The following CCDC180 variants were observed in gnomAD, a reference collection of about 807,000 sequenced individuals.
CCDC180 encodes the protein coiled-coil domain containing 180, also known as coiled-coil domain-containing protein 180.
CCDC180 carries 154 observed loss-of-function variants against 209.2 expected under a neutral mutation model. The observed-to-expected ratio is 0.74, with a 90% CI of 0.65 to 0.84. The LOEUF is 0.84. Ranked by LOEUF, CCDC180 falls within the 40% of genes least tolerant of loss-of-function variation. CCDC180 has a pLI of 0.00. For missense variants in CCDC180, 1,874 were observed against 1,997.3 expected, an observed-to-expected ratio of 0.94 and a Z score of 1.18; for synonymous variants, 778 against 749.1, an observed-to-expected ratio of 1.04 and a Z score of -0.63.
chr9:97,313,242 A>G lies in CCDC180; in HGVS notation c.356A>G (p.Glu119Gly), dbSNP rs1421445203. ...CTCTGTTGTTGCTCCGCAGTTCCTG[A>G]GAAGATAAGCACCAGCACCTTTCAA... is the stretch of plus-strand genomic sequence containing the variant. ...VRGLMDTIVP[E>G]KISTSTFQRQ... is the part of the protein sequence containing the mutation. The change falls in exon 5 of 37, where the codon GAG becomes GGG. Residue 119 changes from glutamate (E) to glycine (G), a missense_variant. By Grantham distance (98) the Glu-to-Gly change is moderately conservative. Coordinates refer to ENST00000529487, the MANE Select transcript of CCDC180 (RefSeq NM_020893.6). 2 of 1,609,056 alleles carry G rather than the reference A, an allele frequency of 1.2e-6. No individual in the cohort carries two copies. Among genetic ancestry groups the G allele is most frequent in the Admixed American group, 3.3e-5 (2 of 59,870 alleles).
chr9:97,319,115 G>C (rs1833274323), intron 10 of CCDC180, among the ~76,000 whole-genome samples: 1 of 152,150 alleles, frequency 6.6e-6, no homozygotes, highest in African/African-American at 2.4e-5. Context: ...GGGCCAGAGA[G>C]CTGGGAGTTG....
At chr9:97,333,503 G>GTTTTTGTTTT (rs1564157871) in intron 18 of CCDC180, among the ~76,000 whole-genome samples, 2 of 72,848 alleles carry the variant, frequency 2.7e-5, no homozygotes, top group African/African-American at 6.9e-5. Context: ...CTGGGTTTGG[G>GTTTTTGTTTT]TTTTTTTTTT....
chr9:97,319,123 T>A (rs1833274503), intron 10 of CCDC180, among the ~76,000 whole-genome samples: 1 of 151,888 alleles, frequency 6.6e-6, no homozygotes, highest in African/African-American at 2.4e-5. Context: ...GAGCTGGGAG[T>A]TGGCCTGCTT....
At chr9:97,324,083 A>G (rs1344275778) in intron 13 of CCDC180, 180 bp downstream of exon 13, 2 of 642,738 alleles carry the variant, frequency 3.1e-6, no homozygotes, top group African/African-American at 3.7e-5. Flanking sequence ...CACTCACCGG[A>G]CTCCTCCCAG....
In CCDC180 at chr9:97,369,092, A is replaced by G. The variant is rs184069625; in HGVS notation, c.4190-830A>G. 2.0e-3 allele frequency among the ~76,000 whole-genome samples: 304 copies of G among 152,384 alleles called. 1 individual carries two copies. Among genetic ancestry groups the G allele is most frequent in the Non-Finnish European group, 2.0e-3 (135 of 68,042 alleles). ...AATTAAGAGTTGAAATTTTAAAACT[A>G]TGCATGACTTTACTACCAGGTTACA... On this transcript the variant is annotated intron_variant, in intron 31 of 36. Coordinates refer to ENST00000529487, the MANE Select transcript of CCDC180 (RefSeq NM_020893.6).
chr9:97,326,418 A>G, intron 14 of CCDC180, 136 bp from the exon 15 acceptor site: 2 of 663,376 alleles, frequency 3.0e-6, no homozygotes, highest in South Asian at 1.8e-5. Context: ...TGGGTACCCC[A>G]TTTGTAGAAA....
At chr9:97,309,687 A>G in intron 3 of CCDC180, 83 bp downstream of exon 3, 2 of 1,145,128 alleles carry the variant, frequency 1.7e-6, no homozygotes, top group Admixed American at 3.2e-5. Context: ...GCACAAGATG[A>G]GTAGCCTGTA....
At position 97,366,451 on chromosome 9, in the gene CCDC180, C is replaced by T. The variant is rs939677744; in HGVS notation, c.4048-108C>T. On this transcript the variant is annotated intron_variant, in intron 30 of 36. Coordinates refer to ENST00000529487, the MANE Select transcript of CCDC180 (RefSeq NM_020893.6). This position sits in a 1 kb window ranked among gnomAD's most constrained non-coding sequence, Gnocchi z 4.3. Reference sequence around the variant, plus strand: ...CGTGTCACTTCCACAGGGGATGCCACGAGCAAAGGCTAGGGAGTGTGGAGG... The same window carrying T: ...CGTGTCACTTCCACAGGGGATGCCATGAGCAAAGGCTAGGGAGTGTGGAGG... The T allele has an allele frequency of 8.5e-6, 10 of 1,170,774 alleles. No individual in the cohort carries two copies. The highest frequency in any genetic ancestry group is 1.5e-5 in the South Asian group (1 of 65,076). The allele number at this position is 1,170,774 out of a possible 1,614,324, so 72.5% of individuals were successfully genotyped here. A position where few individuals can be genotyped will look rare whatever the true frequency, so the allele number is the denominator to read the frequency against.
chr9:97,369,735 C>A, intron 31 of CCDC180, 187 bp from the exon 32 acceptor site: 1 of 566,310 alleles, frequency 1.8e-6, no homozygotes, highest in Non-Finnish European at 3.0e-6. Flanking sequence ...GCCACTGCAG[C>A]TGGCTAACCC....
chr9:97,376,591 T>TG, intron 36 of CCDC180, 172 bp from the exon 37 acceptor site: 1 of 631,650 alleles, frequency 1.6e-6, no homozygotes, highest in South Asian at 1.9e-5. Flanking sequence ...TCTTGTAAAA[T>TG]GGGGAAAACA....
intron 31 of CCDC180, 115 bp from the exon 32 acceptor site, chr9:97,369,807 G>A: frequency 8.7e-7 from 1 of 1,154,620 alleles, no homozygotes; most frequent in Non-Finnish European, 1.2e-6. Flanking sequence ...TTACCACGTT[G>A]GAGACCAAGA....
intron 34 of CCDC180, chr9:97,373,270 TC>T (rs1564179442): frequency 6.6e-6 from 1 of 152,270 alleles, no homozygotes; most frequent in Non-Finnish European, 1.5e-5. Flanking sequence ...TTAAATGTTA[TC>T]CATTTATCAC....
chr9:97,309,706 G>A, intron 3 of CCDC180, 102 bp downstream of exon 3: 1 of 983,800 alleles, frequency 1.0e-6, no homozygotes, highest in South Asian at 2.0e-5. Context: ...TAGGAATGAA[G>A]TCTCAAGTAC....
intron 20 of CCDC180, among the ~76,000 whole-genome samples, chr9:97,348,643 C>G (rs1207378659): frequency 6.6e-6 from 1 of 152,102 alleles, no homozygotes; most frequent in African/African-American, 2.4e-5. Flanking sequence ...CATGATGGAG[C>G]TCTGGAAGCC....
chr9:97,371,378 G>A (rs529807285), intron 33 of CCDC180: 1 of 400,468 alleles, frequency 2.5e-6, no homozygotes, highest in South Asian at 9.2e-5. Flanking sequence ...GTCTGTGTGT[G>A]TCCCTTGGCC....
intron 24 of CCDC180, among the ~76,000 whole-genome samples, chr9:97,355,463 A>G (rs1336284129): frequency 1.3e-5 from 2 of 152,172 alleles, no homozygotes; most frequent in East Asian, 3.9e-4. Context: ...GCCAAAAATA[A>G]AATCTTAATA....
Position 97,361,825 on chromosome 9 carries a change from T to C in CCDC180, c.3583T>C (p.Phe1195Leu). 2 of 1,614,160 alleles carry C rather than the reference T, an allele frequency of 1.2e-6. No individual in the cohort carries two copies. Among genetic ancestry groups the C allele is most frequent in the Non-Finnish European group, 1.7e-6 (2 of 1,180,016 alleles). ...GCTGGACGTGGTCACCCCTGAGTCC[T>C]TCACCCAGCTGAGCCGCGTGGGGAA... The part of the protein sequence containing the change: ...AKLDVVTPES[F>L]TQLSRVGKPL... Residue 1195 changes from phenylalanine (F) to leucine (L), a missense_variant, in exon 27 of 37, where the codon TTC becomes CTC. Phe to Leu is a conservative substitution (Grantham distance 22, BLOSUM62 0). Transcript: ENST00000529487.
chr9:97,357,427 A>G (rs1314148549), intron 24 of CCDC180, among the ~76,000 whole-genome samples, 200 bp from the exon 25 acceptor site: 1 of 152,134 alleles, frequency 6.6e-6, no homozygotes, highest in Non-Finnish European at 1.5e-5. Flanking sequence ...TGGGGTGCCA[A>G]TTTTGCTTGA....
At chr9:97,325,321 G>T in intron 14 of CCDC180, 129 bp downstream of exon 14, 1 of 958,324 alleles carries the variant, frequency 1.0e-6, no homozygotes, top group Non-Finnish European at 1.5e-6. Context: ...GCTCACGTTG[G>T]TCATGGGATC....
Sources: gnomAD v4.1 joint callset for allele counts (sites outside exome capture counted in the v4.1 genomes callset) on GRCh38, gnomAD v4.1.1 for gene constraint, Gnocchi (gnomAD v3.1) non-coding constraint, MANE v1.5 for transcripts, NCBI Gene and HGNC (gene_info 2026-07-23, HGNC 2026-07-21) for gene names.